The following WFDC8 variants were observed in gnomAD, a reference collection of about 807,000 sequenced individuals.
WFDC8 encodes the protein WAP four-disulfide core domain protein 8.
Under a neutral mutation model 27.0 loss-of-function variants are expected in WFDC8, and 24 were observed. That is an observed-to-expected ratio of 0.89 (90% CI 0.64 to 1.25). WFDC8 has a LOEUF of 1.25. WFDC8 is among the 50% of genes most tolerant of loss of function. WFDC8 has a pLI of 0.00. For missense variants in WFDC8, 287 were observed against 295.9 expected, an observed-to-expected ratio of 0.97 and a Z score of 0.22; for synonymous variants, 106 against 99.7, an observed-to-expected ratio of 1.06 and a Z score of -0.38.
intron 1 of WFDC8, chr20:45,568,565 C>A: frequency 2.1e-6 from 1 of 485,758 alleles, no homozygotes. Flanking sequence ...ATGCCCAACA[C>A]TATCTCCAGT....
intron 4 of WFDC8, 141 bp downstream of exon 4, chr20:45,555,560 G>C (rs1980209182): frequency 2.2e-6 from 2 of 893,348 alleles, no homozygotes; most frequent in Non-Finnish European, 3.4e-6. Flanking sequence ...CAGGCAACTG[G>C]CCCAAGACCT....
At chr20:45,569,319 C>T (rs536621106) in intron 1 of WFDC8, among the ~76,000 whole-genome samples, 1 of 152,274 alleles carries the variant, frequency 6.6e-6, no homozygotes, top group South Asian at 2.1e-4. Context: ...ATACTTAAAA[C>T]TTTTTGTCCC....
intron 1 of WFDC8, among the ~76,000 whole-genome samples, chr20:45,575,881 C>G (rs535712304): frequency 2.2e-4 from 34 of 151,410 alleles, no homozygotes; most frequent in Non-Finnish European, 3.7e-4. Context: ...CATAGCATAG[C>G]ATGTTCTGTT....
chr20:45,559,137 T>C (rs1217506734), intron 2 of WFDC8, 145 bp from the exon 3 acceptor site: 2 of 1,014,078 alleles, frequency 2.0e-6, no homozygotes, highest in African/African-American at 1.6e-5. Flanking sequence ...CAGGGGCTAG[T>C]TCTGTTTCTC....
chr20:45,568,101 AC>A, intron 1 of WFDC8: 1 of 376,908 alleles, frequency 2.7e-6, no homozygotes, highest in Non-Finnish European at 5.4e-6. Flanking sequence ...CTGTGGGAGA[AC>A]CCAAGAAAAA....
intron 1 of WFDC8, 110 bp from the exon 2 acceptor site, chr20:45,562,329 A>G (rs2095328240): frequency 2.5e-6 from 2 of 815,484 alleles, no homozygotes; most frequent in Admixed American, 2.2e-5. Context: ...GTTCACAGGT[A>G]AGAAGACTGA....
chr20:45,568,616 A>G, intron 1 of WFDC8: 1 of 531,868 alleles, frequency 1.9e-6, no homozygotes, highest in Admixed American at 1.9e-5. Flanking sequence ...TCCTGAATTC[A>G]GTGCGGACAA....
At chr20:45,557,001 G>T (rs920182309) in intron 3 of WFDC8, among the ~76,000 whole-genome samples, 29 of 152,318 alleles carry the variant, frequency 1.9e-4, no homozygotes, top group Admixed American at 1.0e-3. Context: ...CATTACATCT[G>T]AGAAGTATGC....
At chr20:45,564,411 C>T (rs1046431728) in intron 1 of WFDC8, among the ~76,000 whole-genome samples, 13 of 152,108 alleles carry the variant, frequency 8.5e-5, no homozygotes, top group South Asian at 2.1e-4. Flanking sequence ...GTGGCTCACG[C>T]CTGTAATCCC....
At chr20:45,567,985 A>C (rs1321047260) in intron 1 of WFDC8, 1 of 245,100 alleles carries the variant, frequency 4.1e-6, no homozygotes, top group African/African-American at 2.3e-5. Flanking sequence ...ACCACCATGC[A>C]TGGCTCAAAT....
At chr20:45,555,433 G>A (rs1283823683) in intron 4 of WFDC8, among the ~76,000 whole-genome samples, 2 of 152,176 alleles carry the variant, frequency 1.3e-5, no homozygotes, top group South Asian at 2.1e-4. Flanking sequence ...GGGTCACATT[G>A]GCCAAGATCT....
chr20:45,576,562 T>C (rs1220635109), intron 1 of WFDC8, among the ~76,000 whole-genome samples: 1 of 151,082 alleles, frequency 6.6e-6, no homozygotes, highest in African/African-American at 2.4e-5. Context: ...ACCACACCTG[T>C]AATTTTTGTA....
At position 45,555,870 on chromosome 20, in the gene WFDC8, T is replaced by C. The variant is rs1397952415; in HGVS notation, c.278-2A>G. 1 of 1,613,532 alleles carries C rather than the reference T, an allele frequency of 6.2e-7. No homozygotes were observed. The highest frequency in any genetic ancestry group is 2.2e-5 in the East Asian group (1 of 44,884). On this transcript the variant is annotated splice_acceptor_variant, in intron 3 of 5. Coordinates refer to ENST00000289953, the MANE Select transcript of WFDC8 (RefSeq NM_130896.3). LOFTEE classifies it high-confidence loss of function. ...GCCTCACAGGTAGCATGCAGGGTTC[T>C]GAGGTCAGGAAGCAAGGAAAGAAGG...
Position 45,559,083 on chromosome 20 carries a change from C to T in WFDC8, c.137-91G>A. ...AGGTGTGTAGTGAAATTCTCTCAGC[C>T]CTATCCTCTACCTTCGATTCTTAGT... On this transcript the variant is annotated intron_variant, in intron 2 of 5. Transcript: ENST00000289953. 3.3e-6 allele frequency: 5 copies of T among 1,516,756 alleles called. No individual in the cohort carries two copies. In the South Asian group the frequency reaches 5.0e-5, roughly 15 times the overall value. The allele number at this position is 1,516,756 out of a possible 1,614,324, so 94.0% of individuals were successfully genotyped here.
intron 1 of WFDC8, among the ~76,000 whole-genome samples, chr20:45,574,261 A>G (rs921693241): frequency 6.6e-6 from 1 of 152,152 alleles, no homozygotes; most frequent in African/African-American, 2.4e-5. Context: ...TGGCTTCATG[A>G]CTTCATTCTA....
intron 1 of WFDC8, chr20:45,568,106 A>G (rs746388548): frequency 2.7e-6 from 1 of 375,506 alleles, no homozygotes; most frequent in Non-Finnish European, 5.4e-6. Flanking sequence ...GGAGAACCCA[A>G]GAAAAATGGT....
chr20:45,562,297 G>T, intron 1 of WFDC8, 78 bp from the exon 2 acceptor site: 1 of 1,208,858 alleles, frequency 8.3e-7, no homozygotes, highest in Non-Finnish European at 1.2e-6. Flanking sequence ...GAACCTTAGA[G>T]ATGATCCACC....
At chr20:45,555,554 C>T in intron 4 of WFDC8, 147 bp downstream of exon 4, 1 of 800,486 alleles carries the variant, frequency 1.2e-6, no homozygotes, top group Non-Finnish European at 2.0e-6. Context: ...TAAAGGCAGG[C>T]AACTGGCCCA....
Position 45,553,131 on chromosome 20 carries a change from C to A in WFDC8, c.586+5G>T, listed in dbSNP as rs1263980571. The stretch of plus-strand genomic sequence containing the variant: ...AGATTTGGGAGGTATATCCCCAATC[C>A]TTACCTGTCCAGGCCCTGGCACAAA... On this transcript the variant is annotated splice_donor_5th_base_variant and intron_variant, in intron 5 of 5. Transcript: ENST00000289953. 6.2e-7 allele frequency: 1 copy of A among 1,610,890 alleles called. No individual in the cohort carries two copies. The highest frequency in any genetic ancestry group is 8.5e-7 in the Non-Finnish European group (1 of 1,178,692).
Sources: gnomAD v4.1 joint callset for allele counts (sites outside exome capture counted in the v4.1 genomes callset) on GRCh38, gnomAD v4.1.1 for gene constraint, MANE v1.5 for transcripts, NCBI Gene and HGNC (gene_info 2026-07-23, HGNC 2026-07-21) for gene names.